PAH: variants seen among roughly 807,000 people sequenced by gnomAD.
PAH encodes the protein phenylalanine-4-hydroxylase.
PAH carries 64 observed loss-of-function variants against 62.0 expected under a neutral mutation model. The ratio of observed to expected loss-of-function variants is 1.03; its 90% confidence interval spans 0.84 to 1.27. The LOEUF is 1.27. PAH is among the 50% of genes most tolerant of loss of function. The probability of loss-of-function intolerance (pLI) is 0.00; values close to 1 mark genes in which losing one functional copy is unlikely to be tolerated. For synonymous variants in PAH, 195 were observed against 196.2 expected, an observed-to-expected ratio of 0.99 and a Z score of 0.05; for missense variants, 579 against 542.8, an observed-to-expected ratio of 1.07 and a Z score of -0.66.
chr12:102,911,697 G>A (rs1878207209), intron 2 of PAH, among the ~76,000 whole-genome samples: 1 of 152,092 alleles, frequency 6.6e-6, no homozygotes, highest in South Asian at 2.1e-4. Flanking sequence ...CAATTTCTAT[G>A]TGTCCCCCAT....
At chr12:102,943,869 G>A (rs1302314155) in intron 1 of PAH, among the ~76,000 whole-genome samples, 1 of 152,130 alleles carries the variant, frequency 6.6e-6, no homozygotes, top group Non-Finnish European at 1.5e-5. Flanking sequence ...TAGATACTGA[G>A]TCCTTCTTGA....
At chr12:102,888,451 T>G (rs890448178) in intron 3 of PAH, among the ~76,000 whole-genome samples, 4 of 151,414 alleles carry the variant, frequency 2.6e-5, no homozygotes, top group Non-Finnish European at 5.9e-5. Flanking sequence ...AAACACTGGG[T>G]GTGGCATATC....
At chr12:102,919,508 C>T (rs925705043), upstream of PAH, among the ~76,000 whole-genome samples, 6 of 152,196 alleles carry the variant, frequency 3.9e-5, no homozygotes, top group African/African-American at 1.2e-4. Flanking sequence ...ACTATATTCG[C>T]CCTGTTGTAC....
chr12:102,855,733 T>C (rs1463357720), intron 5 of PAH, among the ~76,000 whole-genome samples: 2 of 152,118 alleles, frequency 1.3e-5, no homozygotes, highest in Non-Finnish European at 2.9e-5. Flanking sequence ...GGCAGGAGAA[T>C]ATATTCCCTT....
At chr12:102,877,964 TAC>T (rs1370753874) in intron 3 of PAH, among the ~76,000 whole-genome samples, 1 of 152,072 alleles carries the variant, frequency 6.6e-6, no homozygotes, top group Non-Finnish European at 1.5e-5. Flanking sequence ...TAGCTGGGAT[TAC>T]AGGTGCACGC....
At chr12:102,922,202 T>TTTTC (rs1878565633), upstream of PAH, among the ~76,000 whole-genome samples, 1 of 150,774 alleles carries the variant, frequency 6.6e-6, no homozygotes, top group African/African-American at 2.4e-5. Context: ...TGCCTTTTTT[T>TTTTC]TTTTTTTTTT....
At chr12:102,847,011 C>G (rs762896153) in intron 8 of PAH, 60 bp from the exon 9 acceptor site, 150 of 1,429,620 alleles carry the variant, frequency 1.0e-4, no homozygotes, top group Non-Finnish European at 1.4e-4. Context: ...CAGAACCAAC[C>G]TAGTACTTGG....
intron 5 of PAH, among the ~76,000 whole-genome samples, chr12:102,864,218 C>T (rs889923452): frequency 1.3e-5 from 2 of 152,082 alleles, no homozygotes; most frequent in Admixed American, 6.6e-5. Flanking sequence ...GTAGAGAGGG[C>T]ATGGCTGAGA....
Position 102,917,164 on chromosome 12 carries a change from T to G in PAH, c.-34A>C. The G allele has an allele frequency of 6.2e-7, 1 of 1,607,718 alleles. No homozygotes were observed. The highest frequency in any genetic ancestry group is 8.5e-7 in the Non-Finnish European group (1 of 1,174,206). ...CCCGGGAGTGAGGTCTCTGGCTTTT[T>G]AGGGCCTCAGGTACAGGCAGGTTTG... is the stretch of plus-strand genomic sequence containing the variant. On this transcript the variant is annotated 5_prime_UTR_variant, in exon 1 of 13. Transcript: ENST00000553106.
At chr12:102,870,965 C>T (rs1409843731) in intron 4 of PAH, among the ~76,000 whole-genome samples, 1 of 152,182 alleles carries the variant, frequency 6.6e-6, no homozygotes, top group East Asian at 1.9e-4. Context: ...CTTCTCTCTT[C>T]CTTCACATCC....
At chr12:102,884,441 G>A (rs1447972253) in intron 3 of PAH, among the ~76,000 whole-genome samples, 2 of 152,212 alleles carry the variant, frequency 1.3e-5, no homozygotes, top group South Asian at 2.1e-4. Flanking sequence ...CAAAGGGTGT[G>A]CACATCCTGG....
At chr12:102,955,955 G>C (rs1165656125) in intron 1 of PAH, among the ~76,000 whole-genome samples, 1 of 152,130 alleles carries the variant, frequency 6.6e-6, no homozygotes, top group Non-Finnish European at 1.5e-5. Flanking sequence ...ATGAAACTGA[G>C]GTAGAGAAGA....
chr12:102,928,485 T>C (rs1472216456), intron 1 of PAH, among the ~76,000 whole-genome samples: 1 of 152,124 alleles, frequency 6.6e-6, no homozygotes, highest in South Asian at 2.1e-4. Context: ...CTTTTCCCTC[T>C]GGTTCTCAAG....
intron 3 of PAH, among the ~76,000 whole-genome samples, chr12:102,884,347 G>A (rs1006008353): frequency 2.0e-5 from 3 of 152,198 alleles, no homozygotes; most frequent in African/African-American, 7.2e-5. Flanking sequence ...AGCAGGCAAT[G>A]TGAGGACCTC....
At chr12:102,894,587 A>C in intron 3 of PAH, 148 bp downstream of exon 3, 1 of 654,548 alleles carries the variant, frequency 1.5e-6, no homozygotes, top group Non-Finnish European at 2.6e-6. Context: ...TATTTCCAAT[A>C]CATATATATT....
chr12:102,875,369 G>A (rs2136676330), intron 4 of PAH, among the ~76,000 whole-genome samples: 1 of 152,358 alleles, frequency 6.6e-6, no homozygotes, highest in African/African-American at 2.4e-5. Flanking sequence ...TGAAAAGGGA[G>A]TGAAACGAAT....
At chr12:102,888,052 C>A (rs1877113179) in intron 3 of PAH, among the ~76,000 whole-genome samples, 1 of 152,144 alleles carries the variant, frequency 6.6e-6, no homozygotes, top group Admixed American at 6.5e-5. Context: ...TATCAAACTT[C>A]AGGAGTTTTG....
chr12:102,853,878 C>A (rs1875289277), intron 6 of PAH, among the ~76,000 whole-genome samples: 1 of 152,158 alleles, frequency 6.6e-6, no homozygotes, highest in Non-Finnish European at 1.5e-5. Flanking sequence ...TTTTATTATG[C>A]CCACTTTACC....
intron 1 of PAH, among the ~76,000 whole-genome samples, chr12:102,940,725 G>C (rs1205743747): frequency 6.6e-6 from 1 of 152,224 alleles, no homozygotes; most frequent in African/African-American, 2.4e-5. Context: ...CAGGAAGAGA[G>C]AGCAAGCAAC....
Sources: allele counts gnomAD v4.1 joint callset (sites outside exome capture counted in the v4.1 genomes callset), GRCh38; gene constraint gnomAD v4.1.1; transcripts MANE v1.5; gene names NCBI Gene and HGNC (gene_info 2026-07-23, HGNC 2026-07-21).